HIPK2: variants seen among roughly 807,000 people sequenced by gnomAD.
HIPK2 encodes the protein homeodomain interacting protein kinase 2.
A neutral mutation model predicts 113.7 loss-of-function variants in HIPK2; 27 were observed. That is an observed-to-expected ratio of 0.24 (90% CI 0.17 to 0.33). The LOEUF (loss-of-function observed/expected upper bound fraction) is 0.33, where lower values mean the gene tolerates loss of function less well. Among genes scored for constraint, HIPK2 ranks in the 10% least tolerant of loss-of-function variants. The pLI is 1.00. For synonymous variants in HIPK2, 631 were observed against 642.2 expected (o/e 0.98, Z 0.26); for missense variants, 1,257 against 1,588.0 (o/e 0.79, Z 3.54).
intron 2 of HIPK2, among the ~76,000 whole-genome samples, chr7:139,643,045 T>C (rs1393811500): frequency 6.6e-6 from 1 of 152,130 alleles, no homozygotes; most frequent in Non-Finnish European, 1.5e-5. Context: ...AGAGATTTTC[T>C]ACCTAAGGGG....
chr7:139,618,659 C>A lies in HIPK2; in HGVS notation c.1782+1742G>T, dbSNP rs182301999. Among the ~76,000 whole-genome samples, 1,011 of 150,886 alleles carry A rather than the reference C, an allele frequency of 6.7e-3. 9 individuals carry two copies. Among genetic ancestry groups the A allele is most frequent in the African/African-American group, 0.024 (951 of 40,228 alleles). The stretch of plus-strand genomic sequence containing the variant: ...CATATCACCAGCAAGATGGCGGTGG[C>A]CCCCCACCCCGCGTCTGGTCAGGGA... On this transcript the variant is annotated intron_variant, in intron 7 of 14. Coordinates refer to ENST00000406875, the MANE Select transcript of HIPK2 (RefSeq NM_022740.5).
chr7:139,599,336 A>AC (rs1299913777), intron 11 of HIPK2, among the ~76,000 whole-genome samples: 1 of 151,534 alleles, frequency 6.6e-6, no homozygotes, highest in Non-Finnish European at 1.5e-5. Flanking sequence ...CACAGTCATA[A>AC]CCCCCCCTAC....
intron 1 of HIPK2, among the ~76,000 whole-genome samples, chr7:139,741,290 C>T (rs1308633705): frequency 6.6e-6 from 1 of 152,064 alleles, no homozygotes; most frequent in Non-Finnish European, 1.5e-5. Context: ...TCCATGTGTG[C>T]GCCCTGGGGA....
In HIPK2 at chr7:139,575,144, G is replaced by GGCT. The variant is rs774198246; in HGVS notation, c.3107_3109dup (p.Gln1036dup). On this transcript the variant is annotated inframe_insertion, in exon 14 of 15. Transcript: ENST00000406875. Reference sequence around the variant, plus strand: ...GGGGCTTACCTGGCTGAGATTGAGTGGCTGCTGCTGCTGGAAGTGGGGGCC... The same window carrying GGCT: ...GGGGCTTACCTGGCTGAGATTGAGTGGCTGCTGCTGCTGCTGGAAGTGGGGGCC... 5 of 1,594,096 alleles carry GGCT rather than the reference G, an allele frequency of 3.1e-6. No individual in the cohort carries two copies. Among genetic ancestry groups the GGCT allele is most frequent in the Admixed American group, 1.8e-5 (1 of 57,054 alleles).
At chr7:139,607,699 A>G (rs1273780682) in intron 9 of HIPK2, among the ~76,000 whole-genome samples, 1 of 152,174 alleles carries the variant, frequency 6.6e-6, no homozygotes, top group East Asian at 1.9e-4. Context: ...TTATGTAAAT[A>G]TTACAAAGTA....
chr7:139,740,387 T>C (rs1796065606), intron 1 of HIPK2, among the ~76,000 whole-genome samples: 1 of 152,232 alleles, frequency 6.6e-6, no homozygotes, highest in African/African-American at 2.4e-5. Context: ...CAATGCATGC[T>C]TGCTTGCCAG....
chr7:139,728,131 C>T (rs899619942), intron 1 of HIPK2, among the ~76,000 whole-genome samples: 2 of 151,494 alleles, frequency 1.3e-5, no homozygotes, highest in African/African-American at 2.4e-5. Context: ...TTTATAGAGA[C>T]GGGGTCTCCC....
At chr7:139,612,601 G>A (rs1210972650) in intron 9 of HIPK2, among the ~76,000 whole-genome samples, 3 of 152,152 alleles carry the variant, frequency 2.0e-5, no homozygotes, top group Admixed American at 2.0e-4. Context: ...TTGTTATCAG[G>A]GTTCGAGTGT....
chr7:139,593,440 C>A (rs568734976), intron 12 of HIPK2, among the ~76,000 whole-genome samples: 1 of 152,228 alleles, frequency 6.6e-6, no homozygotes, highest in Admixed American at 6.5e-5. Flanking sequence ...TGCTGGCCAG[C>A]CATCTGCTGT....
chr7:139,769,746 A>G (rs185772253), intron 1 of HIPK2, among the ~76,000 whole-genome samples: 62 of 152,342 alleles, frequency 4.1e-4, no homozygotes, highest in African/African-American at 1.4e-3. Context: ...AAACTTAACC[A>G]TTTAAGCAGC....
chr7:139,647,549 T>C lies in HIPK2; in HGVS notation c.1104-15824A>G, dbSNP rs774683542. ...AAACCTATAAAGCTCCACTTTTTAATAGGAGAAGCTTGACATAGGGAGTTT... is the reference window on the plus strand; with the variant it reads ...AAACCTATAAAGCTCCACTTTTTAACAGGAGAAGCTTGACATAGGGAGTTT... On this transcript the variant is annotated intron_variant, in intron 2 of 14. Coordinates refer to ENST00000406875, the MANE Select transcript of HIPK2 (RefSeq NM_022740.5). 6.6e-5 allele frequency among the ~76,000 whole-genome samples: 10 copies of C among 152,334 alleles called. No homozygotes were observed. The East Asian group carries it at 1.2e-3, about 18-fold the overall frequency.
intron 2 of HIPK2, among the ~76,000 whole-genome samples, chr7:139,667,711 A>G (rs1296718188): frequency 2.6e-5 from 4 of 152,246 alleles, no homozygotes; most frequent in Non-Finnish European, 2.9e-5. Flanking sequence ...ACATTTGTAT[A>G]ATATATAAAA....
intron 1 of HIPK2, among the ~76,000 whole-genome samples, chr7:139,769,407 C>A (rs971027998): frequency 2.0e-5 from 3 of 152,192 alleles, no homozygotes; most frequent in Non-Finnish European, 4.4e-5. Context: ...TTACCTTGTT[C>A]AAGTATCATT....
intron 1 of HIPK2, among the ~76,000 whole-genome samples, chr7:139,770,388 T>C (rs1015630943): frequency 6.6e-6 from 1 of 152,244 alleles, no homozygotes; most frequent in Non-Finnish European, 1.5e-5. Flanking sequence ...CTTAATGCTA[T>C]GAAACTATAA....
At position 139,565,849 on chromosome 7, in the gene HIPK2, C is replaced by T. The variant is rs1325725867; in HGVS notation, c.*7078G>A. 1 of 151,790 alleles carries T rather than the reference C, an allele frequency of 6.6e-6. No homozygotes were observed. Among genetic ancestry groups the T allele is most frequent in the Non-Finnish European group, 1.5e-5 (1 of 67,982 alleles). The allele number at this position is 151,790 out of a possible 1,614,324, so 9.4% of individuals were successfully genotyped here. A position where few individuals can be genotyped will look rare whatever the true frequency, so the allele number is the denominator to read the frequency against. ...TGAAGAGTGAATCTATTACAGAGAT[C>T]AGAGCTGTCAGGATAATTATCAAGT... On this transcript the variant is annotated 3_prime_UTR_variant, in exon 15 of 15. Coordinates refer to ENST00000406875, the MANE Select transcript of HIPK2 (RefSeq NM_022740.5).
intron 2 of HIPK2, among the ~76,000 whole-genome samples, chr7:139,698,443 C>T (rs1794622150): frequency 6.6e-6 from 1 of 152,104 alleles, no homozygotes; most frequent in African/African-American, 2.4e-5. Context: ...TTGTTCGAGT[C>T]CTTGTTTGCA....
rs1372136767 is a variant in HIPK2, at chr7:139,563,572, T to C, written c.*9355A>G. 2.8e-6 allele frequency: 1 copy of C among 359,240 alleles called. No individual in the cohort carries two copies. The highest frequency in any genetic ancestry group is 2.1e-5 in the African/African-American group (1 of 47,920). 22.3% of individuals were successfully genotyped at this position (359,240 alleles called of 1,614,324 possible). On this transcript the variant is annotated 3_prime_UTR_variant, in exon 15 of 15. Coordinates refer to ENST00000406875, the MANE Select transcript of HIPK2 (RefSeq NM_022740.5). ...ATGAACAAAAGGCAATTTCTATGTT[T>C]TAAAAATATAAGCCCCAAAAACAAT...
intron 13 of HIPK2, among the ~76,000 whole-genome samples, chr7:139,581,130 G>C (rs1203586408): frequency 6.6e-6 from 1 of 152,174 alleles, no homozygotes. Flanking sequence ...TGAGACAGCA[G>C]AATTGCTTGA....
At chr7:139,728,405 G>C (rs1795653338) in intron 1 of HIPK2, among the ~76,000 whole-genome samples, 1 of 152,208 alleles carries the variant, frequency 6.6e-6, no homozygotes. Context: ...GGTGTCAGCA[G>C]GGCTGGTTCC....
Sources: gnomAD v4.1 joint callset for allele counts (sites outside exome capture counted in the v4.1 genomes callset) on GRCh38, gnomAD v4.1.1 for gene constraint, MANE v1.5 for transcripts, NCBI Gene and HGNC (gene_info 2026-07-23, HGNC 2026-07-21) for gene names.